CIMAP3: variants seen among roughly 807,000 people sequenced by gnomAD.
CIMAP3 encodes the protein ciliary microtubule-associated protein 3.
At chr1:111,333,077 C>A in the CIMAP3 span, among the ~76,000 whole-genome samples, 1 of 152,186 alleles carries the variant, frequency 6.6e-6, no homozygotes, top group Non-Finnish European at 1.5e-5. Context: ...ACTCCACTGG[C>A]CTGGGAGCAT....
the CIMAP3 span, chr1:111,350,174 C>T: frequency 1.2e-6 from 2 of 1,614,054 alleles, no homozygotes; most frequent in East Asian, 4.5e-5. Flanking sequence ...TTTGGATCTC[C>T]AGACTGGGCT....
chr1:111,330,003 T>G, the CIMAP3 span, among the ~76,000 whole-genome samples: 1 of 88,730 alleles, frequency 1.1e-5, no homozygotes, highest in Admixed American at 1.4e-4. Context: ...TGTGATTGCA[T>G]TGTGAAATTC....
At chr1:111,342,672 C>G in the CIMAP3 span, among the ~76,000 whole-genome samples, 1 of 152,200 alleles carries the variant, frequency 6.6e-6, no homozygotes, top group Non-Finnish European at 1.5e-5. Context: ...TTTCTCCCCC[C>G]AGGCACTGTG....
At chr1:111,333,611 A>G in the CIMAP3 span, among the ~76,000 whole-genome samples, 1 of 152,058 alleles carries the variant, frequency 6.6e-6, no homozygotes, top group African/African-American at 2.4e-5. Flanking sequence ...CCTTTTCCCC[A>G]CAATAGGAAG....
At chr1:111,331,238 T>G in the CIMAP3 span, among the ~76,000 whole-genome samples, 1 of 152,216 alleles carries the variant, frequency 6.6e-6, no homozygotes, top group African/African-American at 2.4e-5. Context: ...TGAACCTGGA[T>G]GTCTGTCTCT....
chr1:111,349,556 A>T, the CIMAP3 span: 1 of 152,462 alleles, frequency 6.6e-6, no homozygotes, highest in South Asian at 2.1e-4. Context: ...TGCATTAAGG[A>T]AGTAGAAGCA....
chr1:111,348,486 G>C, the CIMAP3 span: 1 of 1,574,122 alleles, frequency 6.4e-7, no homozygotes, highest in Non-Finnish European at 8.6e-7. Flanking sequence ...ATATCACTCT[G>C]TAACATAATG....
At chr1:111,329,822 G>A in the CIMAP3 span, among the ~76,000 whole-genome samples, 1 of 151,994 alleles carries the variant, frequency 6.6e-6, no homozygotes, top group Non-Finnish European at 1.5e-5. Context: ...CCAAAGTGCT[G>A]AGATTACAGG....
At chr1:111,342,322 T>C in the CIMAP3 span, among the ~76,000 whole-genome samples, 1 of 152,228 alleles carries the variant, frequency 6.6e-6, no homozygotes, top group Non-Finnish European at 1.5e-5. Context: ...CAGGTGGCCA[T>C]GTCTAAGTTC....
the CIMAP3 span, among the ~76,000 whole-genome samples, chr1:111,338,178 C>G: frequency 6.6e-6 from 1 of 151,770 alleles, no homozygotes; most frequent in African/African-American, 2.4e-5. Context: ...ACCGGAATCT[C>G]TGGGACACAT....
At chr1:111,348,003 T>C in the CIMAP3 span, among the ~76,000 whole-genome samples, 1 of 152,192 alleles carries the variant, frequency 6.6e-6, no homozygotes, top group African/African-American at 2.4e-5. Context: ...ACTGAAGAAA[T>C]GGTCCCAACA....
the CIMAP3 span, among the ~76,000 whole-genome samples, chr1:111,338,264 C>T: frequency 1.3e-5 from 2 of 151,878 alleles, no homozygotes; most frequent in Non-Finnish European, 2.9e-5. Context: ...AAAATTGACA[C>T]CCTAACATCA....
the CIMAP3 span, among the ~76,000 whole-genome samples, chr1:111,350,479 A>G: frequency 9.8e-4 from 149 of 152,336 alleles, no homozygotes; most frequent in African/African-American, 3.4e-3. Context: ...CTTTTGTGGT[A>G]GGTACAGAGG....
At chr1:111,334,681 T>C in the CIMAP3 span, among the ~76,000 whole-genome samples, 1 of 152,198 alleles carries the variant, frequency 6.6e-6, no homozygotes, top group African/African-American at 2.4e-5. Context: ...ATCAGAGAAA[T>C]TTTAAAAAGA....
At chr1:111,326,387 A>G in the CIMAP3 span, among the ~76,000 whole-genome samples, 50 of 152,228 alleles carry the variant, frequency 3.3e-4, 1 homozygote, top group East Asian at 9.5e-3. Flanking sequence ...TAGCTCCTAC[A>G]TATAAGTGAC....
the CIMAP3 span, among the ~76,000 whole-genome samples, chr1:111,336,693 T>G: frequency 6.6e-6 from 1 of 152,176 alleles, no homozygotes; most frequent in African/African-American, 2.4e-5. Flanking sequence ...AATATGGGAC[T>G]ATGTGAAAAG....
the CIMAP3 span, among the ~76,000 whole-genome samples, chr1:111,338,042 T>C: frequency 3.4e-5 from 5 of 149,228 alleles, no homozygotes. Context: ...ATTAAGAATC[T>C]CACTCAAAGC....
At chr1:111,347,089 G>A in the CIMAP3 span, 4 of 1,534,784 alleles carry the variant, frequency 2.6e-6, no homozygotes, top group African/African-American at 1.4e-5. Flanking sequence ...TCAGTTCCCC[G>A]GCTATTGAGG....
At chr1:111,338,772 G>T in the CIMAP3 span, among the ~76,000 whole-genome samples, 1 of 151,906 alleles carries the variant, frequency 6.6e-6, no homozygotes, top group South Asian at 2.1e-4. Context: ...TTCTACCAGA[G>T]GTACAAGGAG....
Sources: gnomAD v4.1 joint callset for allele counts (sites outside exome capture counted in the v4.1 genomes callset) on GRCh38, gnomAD v4.1.1 for gene constraint, MANE v1.5 for transcripts, NCBI Gene and HGNC (gene_info 2026-07-23, HGNC 2026-07-21) for gene names.